The following INSC variants were observed in gnomAD, a reference collection of about 807,000 sequenced individuals.
INSC encodes protein inscuteable homolog.
A neutral mutation model predicts 58.6 loss-of-function variants in INSC; 67 were observed. The observed-to-expected ratio is 1.14, with a 90% CI of 0.94 to 1.40. The LOEUF is 1.40. INSC is among the 40% of genes most tolerant of loss of function. INSC has a pLI of 0.00. For missense variants in INSC, 714 were observed against 692.0 expected (o/e 1.03, Z -0.36); for synonymous variants, 262 against 276.1 (o/e 0.95, Z 0.51).
At position 15,230,047 on chromosome 11, in the gene INSC, A is replaced by G. The variant is rs1444213017; in HGVS notation, c.1170+4219A>G. On this transcript the variant is annotated intron_variant, in intron 9 of 12. Coordinates refer to ENST00000379556, the MANE Select transcript of INSC (RefSeq NM_001042536.3). ...ATATATATATATATATATAAAAGCC[A>G]GGCATGGTGGTACACACCTGTAGTC... Among the ~76,000 whole-genome samples the G allele has an allele frequency of 3.9e-5, 4 of 103,554 alleles. No homozygotes were observed. The Admixed American group carries it at 4.5e-4, about 12-fold the overall frequency. 67.9% of individuals were successfully genotyped at this position (103,554 alleles called of 152,430 possible).
chr11:15,209,998 G>A (rs866348703), intron 7 of INSC, among the ~76,000 whole-genome samples: 17 of 152,172 alleles, frequency 1.1e-4, no homozygotes, highest in South Asian at 8.3e-4. Flanking sequence ...GGCTTTGCCC[G>A]TCTCCTAATT....
intron 11 of INSC, 118 bp from the exon 12 acceptor site, chr11:15,240,329 G>A (rs2271827): frequency 6.2e-6 from 5 of 800,066 alleles, no homozygotes; most frequent in Non-Finnish European, 8.4e-6. Flanking sequence ...CAGACTCCCC[G>A]AGGTGGGTTC....
intron 12 of INSC, among the ~76,000 whole-genome samples, chr11:15,242,478 C>T (rs957404864): frequency 6.6e-6 from 1 of 152,102 alleles, no homozygotes. Flanking sequence ...TTCATGAAAC[C>T]CCCATGGAAC....
In INSC at chr11:15,225,033, A is replaced by C. The variant is rs1357054605; in HGVS notation, c.992-617A>C. On this transcript the variant is annotated intron_variant, in intron 8 of 12. Transcript: ENST00000379556. Reference sequence around the variant, plus strand: ...CAAGCTTAGCAGCAGGCTAGTGTGCATTACCGGAGACACACATGGACTGAG... The same window carrying C: ...CAAGCTTAGCAGCAGGCTAGTGTGCCTTACCGGAGACACACATGGACTGAG... 2.0e-5 allele frequency among the ~76,000 whole-genome samples: 3 copies of C among 152,274 alleles called. No homozygotes were observed. The East Asian group carries it at 5.8e-4, about 29-fold the overall frequency.
the INSC span, among the ~76,000 whole-genome samples, chr11:15,261,544 A>C: frequency 1.3e-4 from 20 of 152,302 alleles, no homozygotes; most frequent in African/African-American, 4.6e-4. Flanking sequence ...ACAATCTGAC[A>C]AAGTTATATT....
intron 2 of INSC, among the ~76,000 whole-genome samples, chr11:15,152,927 C>T (rs1365637014): frequency 3.3e-5 from 5 of 152,158 alleles, no homozygotes; most frequent in South Asian, 4.1e-4. Context: ...AGCTAGGATA[C>T]GTGTTTCTAT....
intron 6 of INSC, among the ~76,000 whole-genome samples, chr11:15,200,018 G>A (rs769056506): frequency 3.2e-4 from 49 of 152,112 alleles, no homozygotes; most frequent in Non-Finnish European, 1.2e-4. Context: ...TGGACAATGA[G>A]CTCTGCACTC....
intron 7 of INSC, among the ~76,000 whole-genome samples, chr11:15,220,856 A>C (rs898333883): frequency 6.6e-6 from 1 of 152,226 alleles, no homozygotes; most frequent in Non-Finnish European, 1.5e-5. Flanking sequence ...GGTTGGGCAC[A>C]GAAAGCAAGG....
At chr11:15,257,096 G>T in the INSC span, among the ~76,000 whole-genome samples, 2 of 152,120 alleles carry the variant, frequency 1.3e-5, no homozygotes, top group Non-Finnish European at 2.9e-5. Flanking sequence ...TTTCCTTAAT[G>T]ATAGAACCTG....
At chr11:15,256,360 T>A in the INSC span, among the ~76,000 whole-genome samples, 1 of 152,220 alleles carries the variant, frequency 6.6e-6, no homozygotes, top group African/African-American at 2.4e-5. Context: ...CTAAAGTACT[T>A]CTAAATTGAA....
At chr11:15,208,380 G>C (rs1298639356) in intron 7 of INSC, among the ~76,000 whole-genome samples, 1 of 152,194 alleles carries the variant, frequency 6.6e-6, no homozygotes, top group Non-Finnish European at 1.5e-5. Flanking sequence ...AGGCAGAAAG[G>C]AACTGAGGCT....
intron 5 of INSC, among the ~76,000 whole-genome samples, chr11:15,181,099 T>C (rs1294026365): frequency 1.3e-5 from 2 of 152,248 alleles, no homozygotes; most frequent in African/African-American, 2.4e-5. Flanking sequence ...ATTTGTCTTA[T>C]GATGTGCCGG....
intron 2 of INSC, among the ~76,000 whole-genome samples, chr11:15,168,547 A>G (rs1335928294): frequency 6.6e-6 from 1 of 152,218 alleles, no homozygotes; most frequent in Non-Finnish European, 1.5e-5. Context: ...TATGGGGAAG[A>G]GCAGCACAGA....
intron 5 of INSC, 24 bp from the exon 6 acceptor site, chr11:15,190,677 G>C: frequency 1.3e-6 from 2 of 1,535,134 alleles, no homozygotes; most frequent in Middle Eastern, 3.4e-4. Context: ...GTAACTACTA[G>C]CTAACTTTTC....
chr11:15,187,937 T>C (rs770381123), intron 5 of INSC, among the ~76,000 whole-genome samples: 4 of 152,156 alleles, frequency 2.6e-5, no homozygotes, highest in African/African-American at 7.2e-5. Context: ...TAGGAGTAGA[T>C]AGGCAATTCC....
In INSC at chr11:15,148,571, T is replaced by G. The variant is rs144121667; in HGVS notation, c.-45-559T>G. 9.8e-5 allele frequency among the ~76,000 whole-genome samples: 15 copies of G among 152,288 alleles called. No homozygotes were observed. The East Asian group carries it at 2.5e-3, about 25-fold the overall frequency. On this transcript the variant is annotated intron_variant, in intron 1 of 12. Transcript: ENST00000379556. ...ACATGCCTATTTCTGAACCAATCAC[T>G]GGCAATTTGGGTGCAATTACATCAT...
chr11:15,118,440 G>T (rs1847788986), intron 1 of INSC, among the ~76,000 whole-genome samples: 1 of 152,190 alleles, frequency 6.6e-6, no homozygotes, highest in East Asian at 1.9e-4. Flanking sequence ...AGAATAACTT[G>T]AATGGTGGGC....
chr11:15,170,143 T>C (rs1849345997), intron 2 of INSC, among the ~76,000 whole-genome samples: 1 of 152,250 alleles, frequency 6.6e-6, no homozygotes, highest in South Asian at 2.1e-4. Flanking sequence ...GTGTTTTTTG[T>C]GTGTGACATT....
intron 1 of INSC, among the ~76,000 whole-genome samples, chr11:15,148,853 A>G (rs1346907951): frequency 5.9e-5 from 9 of 152,222 alleles, no homozygotes; most frequent in Admixed American, 5.9e-4. Flanking sequence ...CCAATATTTG[A>G]TACATACCAA....
Sources: gnomAD v4.1 joint callset for allele counts (sites outside exome capture counted in the v4.1 genomes callset) on GRCh38, gnomAD v4.1.1 for gene constraint, MANE v1.5 for transcripts, NCBI Gene and HGNC (gene_info 2026-07-23, HGNC 2026-07-21) for gene names.